ZNF529: variants seen among roughly 807,000 people sequenced by gnomAD.
ZNF529 encodes zinc finger protein 529.
ZNF529 carries 11 observed loss-of-function variants against 10.1 expected under a neutral mutation model. The observed-to-expected ratio is 1.09, with a 90% CI of 0.69 to 1.81. The LOEUF (loss-of-function observed/expected upper bound fraction) is 1.81, where lower values mean the gene tolerates loss of function less well. Among genes scored for constraint, ZNF529 ranks in the 40% most tolerant of loss-of-function variants. The pLI, the probability that ZNF529 is intolerant of heterozygous loss-of-function variation, is 0.00. For synonymous variants in ZNF529, 204 were observed against 215.7 expected (o/e 0.95, Z 0.47); for missense variants, 624 against 666.8 (o/e 0.94, Z 0.71).
intron 4 of ZNF529, among the ~76,000 whole-genome samples, chr19:36,551,407 T>C (rs1045206988): frequency 2.2e-4 from 34 of 152,154 alleles, no homozygotes; most frequent in Admixed American, 1.7e-3. Flanking sequence ...TATCAGTATA[T>C]CAAAATTTCA....
At position 36,546,939 on chromosome 19, in the gene ZNF529, C is replaced by T; in HGVS notation, c.1619G>A (p.Gly540Glu). The change falls in exon 5 of 5, where the codon GGG becomes GAG. Residue 540 changes from glycine (G) to glutamate (E), a missense_variant. Transcript: ENST00000591340. ...DDKPYECKECGNSFSVVGHLT... is the reference protein window; with the variant it reads ...DDKPYECKECENSFSVVGHLT... ...ATGCCCAACAACACTAAAGGAATTC[C>T]CACACTCCTTACATTCATAGGGTTT... is the stretch of plus-strand genomic sequence containing the variant. The T allele has an allele frequency of 1.2e-6, 2 of 1,613,746 alleles. No homozygotes were observed. Among genetic ancestry groups the T allele is most frequent in the Non-Finnish European group, 1.7e-6 (2 of 1,179,776 alleles).
At chr19:36,550,545 T>TA (rs916678814) in intron 4 of ZNF529, among the ~76,000 whole-genome samples, 100 of 148,322 alleles carry the variant, frequency 6.7e-4, no homozygotes, top group Middle Eastern at 6.9e-3. Context: ...GACTACGTCT[T>TA]AAAAAAAAAA....
chr19:36,593,597 G>A (rs1384713450), intron 1 of ZNF529, among the ~76,000 whole-genome samples: 2 of 152,156 alleles, frequency 1.3e-5, no homozygotes, highest in Non-Finnish European at 2.9e-5. Flanking sequence ...AACCGATAGT[G>A]GATGCTAAAT....
At chr19:36,584,933 G>T (rs2036548311) in intron 2 of ZNF529, among the ~76,000 whole-genome samples, 4 of 152,152 alleles carry the variant, frequency 2.6e-5, no homozygotes, top group Admixed American at 2.0e-4. Context: ...GGGGAAAGTA[G>T]AATAAGGAGC....
chr19:36,582,094 C>G (rs2036475862), intron 2 of ZNF529: 1 of 152,136 alleles, frequency 6.6e-6, no homozygotes, highest in Admixed American at 6.5e-5. Context: ...TGGTCTCCCA[C>G]TTTTAGGCTA....
At chr19:36,604,965 G>C (rs2036998507) in intron 1 of ZNF529, 1 of 138,050 alleles carries the variant, frequency 7.2e-6, no homozygotes, top group African/African-American at 2.7e-5. Flanking sequence ...CGCAGCCACA[G>C]AACGGCACAC....
At chr19:36,571,981 T>C (rs1234595410) in intron 2 of ZNF529, among the ~76,000 whole-genome samples, 1 of 150,052 alleles carries the variant, frequency 6.7e-6, no homozygotes. Flanking sequence ...GATTAATACC[T>C]ACCATCTCCT....
At chr19:36,549,532 T>C (rs1246787209) in intron 4 of ZNF529, among the ~76,000 whole-genome samples, 4 of 152,228 alleles carry the variant, frequency 2.6e-5, no homozygotes, top group Non-Finnish European at 4.4e-5. Flanking sequence ...AACCCTCACA[T>C]TGTATTAGTG....
chr19:36,550,729 C>T (rs1222663536), intron 4 of ZNF529, among the ~76,000 whole-genome samples: 1 of 151,758 alleles, frequency 6.6e-6, no homozygotes, highest in African/African-American at 2.4e-5. Context: ...GTAAAAATAA[C>T]CAATGTATAA....
At chr19:36,588,600 C>G (rs1158981910) in intron 2 of ZNF529, among the ~76,000 whole-genome samples, 2 of 152,014 alleles carry the variant, frequency 1.3e-5, no homozygotes, top group African/African-American at 2.4e-5. Flanking sequence ...TACTGATGAC[C>G]CCCAGCACTG....
chr19:36,552,446 C>G (rs1480800371), intron 4 of ZNF529, among the ~76,000 whole-genome samples: 1 of 151,348 alleles, frequency 6.6e-6, no homozygotes, highest in African/African-American at 2.4e-5. Flanking sequence ...TAAATAAAAT[C>G]AACAACAACA....
upstream of ZNF529, chr19:36,573,672 G>T (rs2036235217): frequency 1.2e-5 from 4 of 344,502 alleles, no homozygotes; most frequent in South Asian, 6.1e-5. Context: ...CGGAAGCCCG[G>T]GCCGGGGAGG....
At chr19:36,565,229 T>C (rs2035852036) in intron 2 of ZNF529, among the ~76,000 whole-genome samples, 1 of 151,992 alleles carries the variant, frequency 6.6e-6, no homozygotes, top group African/African-American at 2.4e-5. Flanking sequence ...ATGTACCCCC[T>C]GAATCGAAAA....
Position 36,554,730 on chromosome 19 carries a change from C to G in ZNF529, c.175G>C (p.Ala59Pro), listed in dbSNP as rs374952430. Residue 59 changes from alanine to proline, a missense_variant, in exon 4 of 5, where the codon GCT becomes CCT. Ala to Pro is a conservative substitution (Grantham distance 27). Transcript: ENST00000591340. Reference protein sequence around the residue: ...SQEEWEYLDSAQRNLYWDVMM... With the variant: ...SQEEWEYLDSPQRNLYWDVMM... ...ACATCCCAGTACAAGTTCCTCTGAG[C>G]AGAATCCAGATATTCCCATTCCTCC... The G allele has an allele frequency of 3.8e-6, 6 of 1,577,392 alleles. No individual in the cohort carries two copies. The Admixed American group carries it at 5.5e-5, about 14-fold the overall frequency.
At chr19:36,572,992 G>T (rs534861685) in intron 1 of ZNF529, 148 bp downstream of exon 1, 42 of 158,832 alleles carry the variant, frequency 2.6e-4, no homozygotes, top group African/African-American at 9.9e-4. Context: ...GCTGTCACAC[G>T]ATCACGTCAC....
intron 4 of ZNF529, 150 bp from the exon 5 acceptor site, chr19:36,548,472 C>T (rs1364420504): frequency 2.5e-6 from 2 of 789,338 alleles, no homozygotes; most frequent in Non-Finnish European, 1.9e-6. Flanking sequence ...AACAGCAGAA[C>T]ATAAAGATTA....
At chr19:36,563,573 A>T (rs1427761465) in intron 2 of ZNF529, among the ~76,000 whole-genome samples, 1 of 152,210 alleles carries the variant, frequency 6.6e-6, no homozygotes, top group Non-Finnish European at 1.5e-5. Flanking sequence ...ATACCTAAGA[A>T]TACAGCTAAC....
intron 2 of ZNF529, among the ~76,000 whole-genome samples, chr19:36,585,411 G>T (rs2036559409): frequency 6.6e-6 from 1 of 152,202 alleles, no homozygotes; most frequent in Admixed American, 6.5e-5. Flanking sequence ...CACAGATCTA[G>T]CTACAATCCC....
chr19:36,553,224 C>G (rs1390357465), intron 4 of ZNF529, among the ~76,000 whole-genome samples: 1 of 152,162 alleles, frequency 6.6e-6, no homozygotes. Flanking sequence ...CTCCCGAGTT[C>G]AAGCGGGTTC....
Sources: gnomAD v4.1 joint callset for allele counts (sites outside exome capture counted in the v4.1 genomes callset) on GRCh38, gnomAD v4.1.1 for gene constraint, MANE v1.5 for transcripts, NCBI Gene and HGNC (gene_info 2026-07-23, HGNC 2026-07-21) for gene names.